The following CLRN1 variants were observed in gnomAD, a reference collection of about 807,000 sequenced individuals.
The protein encoded by CLRN1 is clarin 1.
A neutral mutation model predicts 18.7 loss-of-function variants in CLRN1; 15 were observed. That is an observed-to-expected ratio of 0.80 (90% CI 0.54 to 1.23). The LOEUF is 1.23. CLRN1 is among the 50% of genes most tolerant of loss of function. The probability of loss-of-function intolerance (pLI) is 0.00; values close to 1 mark genes in which losing one functional copy is unlikely to be tolerated. For synonymous variants in CLRN1, 104 were observed against 102.9 expected (o/e 1.01, Z -0.07); for missense variants, 311 against 277.5 (o/e 1.12, Z -0.86).
At chr3:150,948,255 C>T (rs1009581876) in intron 1 of CLRN1, among the ~76,000 whole-genome samples, 2 of 152,038 alleles carry the variant, frequency 1.3e-5, no homozygotes, top group Admixed American at 6.5e-5. Flanking sequence ...GAGGCCGAGG[C>T]GGGCGGATCA....
At chr3:150,965,169 T>C (rs891996158) in intron 1 of CLRN1, among the ~76,000 whole-genome samples, 1 of 152,228 alleles carries the variant, frequency 6.6e-6, no homozygotes, top group Non-Finnish European at 1.5e-5. Context: ...GAGCATGATT[T>C]ACCATATGCA....
intron 1 of CLRN1, among the ~76,000 whole-genome samples, chr3:150,969,492 A>ATTTT (rs2107992514): frequency 6.6e-6 from 1 of 150,788 alleles, no homozygotes; most frequent in South Asian, 2.1e-4. Context: ...CGCCCGGCTA[A>ATTTT]TTTTTTGTAT....
Position 150,941,725 on chromosome 3 carries a change from A to G in CLRN1, c.290T>C (p.Ile97Thr), listed in dbSNP as rs759441941. ...PDLLKAIPVS[I>T]HVNVILFSAI... ...AGAGAAGAGAATGACATTGACGTGG[A>G]TGCTCACTGGGATTGCTTTGAGCAA... The change falls in exon 2 of 3, where the codon ATC becomes ACC. Residue 97 changes from isoleucine (I) to threonine (T), a missense_variant. Ile to Thr is a moderately conservative substitution (Grantham distance 89). Transcript: ENST00000327047. 6.2e-7 allele frequency: 1 copy of G among 1,614,100 alleles called. No individual in the cohort carries two copies. The highest frequency in any genetic ancestry group is 1.1e-5 in the South Asian group (1 of 91,078).
chr3:150,972,329 T>C, intron 1 of CLRN1, 127 bp downstream of exon 1: 2 of 1,207,916 alleles, frequency 1.7e-6, no homozygotes. Context: ...CATAGGTTTT[T>C]CATATGGTTC....
At chr3:150,959,931 C>T (rs147401099) in intron 1 of CLRN1, among the ~76,000 whole-genome samples, 18 of 152,220 alleles carry the variant, frequency 1.2e-4, no homozygotes, top group Admixed American at 2.0e-4. Context: ...TAAGTCTGTA[C>T]GTAATGGCAT....
At chr3:150,955,813 A>T (rs375564610) in intron 1 of CLRN1, among the ~76,000 whole-genome samples, 1 of 152,204 alleles carries the variant, frequency 6.6e-6, no homozygotes, top group African/African-American at 2.4e-5. Flanking sequence ...CCCAAAGCCC[A>T]ACTGTCTATG....
chr3:150,940,840 T>G (rs1476807563), intron 2 of CLRN1, among the ~76,000 whole-genome samples: 1 of 152,234 alleles, frequency 6.6e-6, no homozygotes, highest in African/African-American at 2.4e-5. Context: ...GAGTAGCACA[T>G]GTTTATTGAT....
intron 1 of CLRN1, among the ~76,000 whole-genome samples, chr3:150,964,965 GGTGC>G (rs1421392957): frequency 6.6e-6 from 1 of 151,906 alleles, no homozygotes; most frequent in East Asian, 1.9e-4. Context: ...CAGGTTGATG[GGTGC>G]AACAAACCAT....
rs750506543 is a variant in CLRN1 at position 150,927,344 on chromosome 3, C to T, written c.*592G>A. On this transcript the variant is annotated 3_prime_UTR_variant, in exon 3 of 3. Coordinates refer to ENST00000327047, the MANE Select transcript of CLRN1 (RefSeq NM_174878.3). ...TCACTTTATTGCCCAGGCTGTAACT[C>T]GAACTCCTGAACTCAAATGATCTTC... is the stretch of plus-strand genomic sequence containing the variant. 32 of 416,106 alleles carry T rather than the reference C, an allele frequency of 7.7e-5. No individual in the cohort carries two copies. The highest frequency in any genetic ancestry group is 7.9e-4 in the Middle Eastern group (1 of 1,272). 25.8% of individuals were successfully genotyped at this position (416,106 alleles called of 1,614,324 possible).
chr3:150,947,139 G>A lies in CLRN1; in HGVS notation c.254-5378C>T, dbSNP rs189504620. Among the ~76,000 whole-genome samples the A allele has an allele frequency of 1.0e-3, 156 of 152,042 alleles. 1 individual carries two copies. Among genetic ancestry groups the A allele is most frequent in the African/African-American group, 3.7e-3 (153 of 41,480 alleles). ...AAATGATACGGATGAATGGATGGCT[G>A]GATGGCTGGATGGATAGATAAAGAT... On this transcript the variant is annotated intron_variant, in intron 1 of 2. Coordinates refer to ENST00000327047, the MANE Select transcript of CLRN1 (RefSeq NM_174878.3).
chr3:150,950,113 A>G (rs1344069443), intron 1 of CLRN1, among the ~76,000 whole-genome samples: 1 of 152,238 alleles, frequency 6.6e-6, no homozygotes, highest in Admixed American at 6.5e-5. Context: ...AGCCATATGC[A>G]GAATATTGAA....
intron 1 of CLRN1, among the ~76,000 whole-genome samples, chr3:150,964,493 G>A (rs1017975067): frequency 6.6e-6 from 1 of 152,204 alleles, no homozygotes; most frequent in African/African-American, 2.4e-5. Context: ...GGAAGACAGT[G>A]TGGCAATTCC....
At chr3:150,954,177 C>A (rs1404851358) in intron 1 of CLRN1, among the ~76,000 whole-genome samples, 1 of 152,138 alleles carries the variant, frequency 6.6e-6, no homozygotes, top group East Asian at 1.9e-4. Context: ...CATCCTCTAC[C>A]CCCAGGTCCT....
upstream of CLRN1, chr3:150,972,806 G>C (rs1254903956): frequency 1.3e-6 from 2 of 1,553,852 alleles, no homozygotes; most frequent in East Asian, 2.3e-5. Flanking sequence ...TACGGAAGCT[G>C]AACGGACAGC....
intron 2 of CLRN1, among the ~76,000 whole-genome samples, chr3:150,929,543 T>C (rs1713024869): frequency 6.6e-6 from 1 of 152,222 alleles, no homozygotes; most frequent in Admixed American, 6.5e-5. Flanking sequence ...AATTTTAATA[T>C]TCAGGTCTCA....
chr3:150,943,032 T>G (rs377490445), intron 1 of CLRN1, among the ~76,000 whole-genome samples: 37 of 152,294 alleles, frequency 2.4e-4, no homozygotes, highest in African/African-American at 8.4e-4. Flanking sequence ...AAAAGATGAC[T>G]CCAACCCAGT....
chr3:150,945,212 A>T (rs1714102270), intron 1 of CLRN1, among the ~76,000 whole-genome samples: 1 of 152,258 alleles, frequency 6.6e-6, no homozygotes, highest in African/African-American at 2.4e-5. Context: ...CCCAGGGAGA[A>T]GCTGTAGTTC....
At position 150,972,627 on chromosome 3, in the gene CLRN1, A is replaced by G. The variant is rs1436871124; in HGVS notation, c.82T>C (p.Leu28=). The G allele has an allele frequency of 2.5e-6, 4 of 1,614,226 alleles. No individual in the cohort carries two copies. The highest frequency in any genetic ancestry group is 1.7e-5 in the Admixed American group (1 of 60,034). Residue 28 remains leucine, a synonymous_variant, in exon 1 of 3, where the codon TTG becomes CTG. Transcript: ENST00000327047. ...GCTTTGATCCACAACGGTGTCCCCA[A>G]GGCTGTCACAACTCCGAGGGCACAT... ...FACALGVVTA[L]GTPLWIKATV...
At chr3:150,941,908 G>C in intron 1 of CLRN1, 147 bp from the exon 2 acceptor site, 1 of 761,004 alleles carries the variant, frequency 1.3e-6, no homozygotes, top group Non-Finnish European at 2.2e-6. Context: ...AACTTATAAG[G>C]GGTTTACAAA....
Sources: allele counts gnomAD v4.1 joint callset (sites outside exome capture counted in the v4.1 genomes callset), GRCh38; gene constraint gnomAD v4.1.1; transcripts MANE v1.5; gene names NCBI Gene and HGNC (gene_info 2026-07-23, HGNC 2026-07-21).